TLE2: variants seen among roughly 807,000 people sequenced by gnomAD.
TLE2 encodes the protein TLE family member 2, transcriptional corepressor.
In TLE2, 74 loss-of-function variants were observed where a neutral mutation model predicts 97.2. That is an observed-to-expected ratio of 0.76 (90% CI 0.63 to 0.92). TLE2 has a LOEUF of 0.92. Among genes scored for constraint, TLE2 ranks in the 40% least tolerant of loss-of-function variants. The pLI is 0.00. For synonymous variants in TLE2, 499 were observed against 432.1 expected (o/e 1.15, Z -1.92); for missense variants, 1,038 against 1,008.7 (o/e 1.03, Z -0.39).
Position 3,028,961 on chromosome 19 carries a change from C to A in TLE2, c.-57G>T. ...CCAGAGCTTGATGATATGGAGGCGG[C>A]AAGAGTGGGGGAGGCTGAAGTGGGG... On this transcript the variant is annotated 5_prime_UTR_variant, in exon 1 of 20. Transcript: ENST00000262953. 6.3e-7 allele frequency: 1 copy of A among 1,590,406 alleles called. No individual in the cohort carries two copies. Among genetic ancestry groups the A allele is most frequent in the African/African-American group, 1.4e-5 (1 of 74,022 alleles).
At chr19:3,022,029 GA>G (rs1171161609) in intron 5 of TLE2, among the ~76,000 whole-genome samples, 3 of 151,820 alleles carry the variant, frequency 2.0e-5, no homozygotes, top group Admixed American at 1.3e-4. Flanking sequence ...AACATGGTGA[GA>G]CTCCCTCTCT....
At chr19:3,000,771 G>T in intron 18 of TLE2, 48 bp from the exon 19 acceptor site, 1 of 1,471,452 alleles carries the variant, frequency 6.8e-7, no homozygotes, top group Non-Finnish European at 9.3e-7. Context: ...ACTAACGAGA[G>T]ACCCGGGCTG....
intron 5 of TLE2, among the ~76,000 whole-genome samples, chr19:3,021,729 C>A (rs562519067): frequency 6.6e-6 from 1 of 151,562 alleles, no homozygotes; most frequent in Non-Finnish European, 1.5e-5. Flanking sequence ...ATTACAGGTG[C>A]GCACCACCAC....
chr19:3,041,680 G>C (rs552496996), intron 1 of TLE2, among the ~76,000 whole-genome samples: 229 of 152,366 alleles, frequency 1.5e-3, no homozygotes, highest in African/African-American at 5.1e-3. Flanking sequence ...ATGACTCTGT[G>C]AGCTCCACGA....
intron 1 of TLE2, among the ~76,000 whole-genome samples, chr19:3,041,014 T>TATATATATATATATATATATATATATA (rs55998855): frequency 9.9e-5 from 2 of 20,168 alleles, no homozygotes; most frequent in African/African-American, 2.1e-4. Context: ...TATATATATA[T>TATATATATATATATATATATATATATA]TTTTTTTTTT....
chr19:3,044,664 C>A (rs2090129099), intron 1 of TLE2, among the ~76,000 whole-genome samples: 2 of 152,240 alleles, frequency 1.3e-5, no homozygotes, highest in African/African-American at 4.8e-5. Flanking sequence ...ACGTGACCCT[C>A]CTGCCTCGGC....
At chr19:3,045,840 A>G, upstream of TLE2, 1 of 378,696 alleles carries the variant, frequency 2.6e-6, no homozygotes, top group Admixed American at 2.8e-5. Context: ...AAAACAACCA[A>G]TCAAATGGTT....
At chr19:3,045,633 A>C (rs947210343) in intron 1 of TLE2, 1 of 368,770 alleles carries the variant, frequency 2.7e-6, no homozygotes. Flanking sequence ...CCTGGCCAAC[A>C]TGGTGAAACC....
At chr19:3,010,875 G>A (rs544723264) in intron 12 of TLE2, 147 bp downstream of exon 12, 1 of 1,106,414 alleles carries the variant, frequency 9.0e-7, no homozygotes, top group African/African-American at 1.6e-5. Context: ...CCAGAGGGAG[G>A]CAGCGTCTAA....
intron 9 of TLE2, among the ~76,000 whole-genome samples, chr19:3,015,125 T>C (rs1474903761): frequency 6.7e-6 from 1 of 149,804 alleles, no homozygotes; most frequent in Non-Finnish European, 1.5e-5. Flanking sequence ...AACAGCAATA[T>C]TGGCCCACCC....
chr19:3,015,997 A>G (rs1438768114), intron 8 of TLE2: 3 of 609,940 alleles, frequency 4.9e-6, no homozygotes, highest in Non-Finnish European at 9.2e-6. Flanking sequence ...AGTGCAGTGG[A>G]GCCATCTCGG....
At position 3,005,884 on chromosome 19, in the gene TLE2, T is replaced by C. The variant is rs771464115; in HGVS notation, c.1585A>G (p.Ile529Val). The C allele has an allele frequency of 1.2e-6, 2 of 1,613,660 alleles. No homozygotes were observed. The highest frequency in any genetic ancestry group is 2.2e-5 in the East Asian group (1 of 44,868). Residue 529 changes from isoleucine (I) to valine (V), a missense_variant, in exon 16 of 20, where the codon ATT becomes GTT. Transcript: ENST00000262953. ...IVGGEASTLS[I>V]WDLAAPTPRI... ...GGGGTGGGCGCCGCCAGGTCCCAAA[T>C]GGACAAGGTGCTGGCCTCACCGCCC...
chr19:3,023,351 C>T (rs968010549), intron 5 of TLE2, among the ~76,000 whole-genome samples: 3 of 152,090 alleles, frequency 2.0e-5, no homozygotes, highest in Admixed American at 6.6e-5. Flanking sequence ...AAACTTCTTG[C>T]GGCTCTTGCC....
At chr19:3,004,403 C>T (rs1233983833) in intron 17 of TLE2, among the ~76,000 whole-genome samples, 1 of 151,774 alleles carries the variant, frequency 6.6e-6, no homozygotes, top group East Asian at 1.9e-4. Context: ...ACTGGGAAGC[C>T]GAGGCAGGTG....
intron 11 of TLE2, among the ~76,000 whole-genome samples, chr19:3,012,616 C>T (rs897695328): frequency 6.6e-6 from 1 of 152,186 alleles, no homozygotes; most frequent in African/African-American, 2.4e-5. Context: ...AGGAAGAGTG[C>T]CTAGCACACA....
intron 15 of TLE2, 24 bp downstream of exon 15, chr19:3,006,396 C>T (rs1163048870): frequency 1.2e-6 from 2 of 1,603,776 alleles, no homozygotes; most frequent in East Asian, 2.2e-5. Flanking sequence ...GTGAGTCCCG[C>T]CCACTGTCCC....
At position 3,025,004 on chromosome 19, in the gene TLE2, C is replaced by T. The variant is rs2089916994; in HGVS notation, c.294+16G>A. ...GGCTCCCTTCCCCTCCTCCCCCCAC[C>T]CCCAGGCCCACTCACCTCCTGGGTC... On this transcript the variant is annotated intron_variant, in intron 5 of 19. Coordinates refer to ENST00000262953, the MANE Select transcript of TLE2 (RefSeq NM_003260.5). 2 of 1,583,562 alleles carry T rather than the reference C, an allele frequency of 1.3e-6. No individual in the cohort carries two copies.
At position 3,005,586 on chromosome 19, in the gene TLE2, TGGAG is replaced by T; in HGVS notation, c.1749-6_1749-3del. On this transcript the variant is annotated splice_region_variant and splice_polypyrimidine_tract_variant and intron_variant, in intron 16 of 19. Transcript: ENST00000262953. Reference sequence around the variant, plus strand: ...CCGTCCGTGTGGCCCTGGAACTGCCTGGAGGGAGAAGGGCCCAGGCGTCCATCCT... The same window carrying T: ...CCGTCCGTGTGGCCCTGGAACTGCCTGGAGAAGGGCCCAGGCGTCCATCCT... The T allele has an allele frequency of 1.2e-6, 2 of 1,613,090 alleles. No individual in the cohort carries two copies. Among genetic ancestry groups the T allele is most frequent in the South Asian group, 1.1e-5 (1 of 90,996 alleles).
At chr19:2,998,613 C>G (rs2089280334) in intron 19 of TLE2, among the ~76,000 whole-genome samples, 1 of 152,110 alleles carries the variant, frequency 6.6e-6, no homozygotes. Flanking sequence ...TGGGTTTCCC[C>G]ATGTTGGCCA....
Sources: allele counts gnomAD v4.1 joint callset (sites outside exome capture counted in the v4.1 genomes callset), GRCh38; gene constraint gnomAD v4.1.1; transcripts MANE v1.5; gene names NCBI Gene and HGNC (gene_info 2026-07-23, HGNC 2026-07-21).